The following WDR25 variants were observed in gnomAD, a reference collection of about 807,000 sequenced individuals.
WDR25 encodes WD repeat-containing protein 25.
A neutral mutation model predicts 47.7 loss-of-function variants in WDR25; 35 were observed. That is an observed-to-expected ratio of 0.73 (90% CI 0.56 to 0.97). The LOEUF (loss-of-function observed/expected upper bound fraction) is 0.97. Ranked by LOEUF, WDR25 falls within the 50% of genes least tolerant of loss-of-function variation. WDR25 has a pLI of 0.00. For synonymous variants in WDR25, 248 were observed against 278.9 expected, an observed-to-expected ratio of 0.89 and a Z score of 1.10; for missense variants, 634 against 704.7, an observed-to-expected ratio of 0.90 and a Z score of 1.14.
intron 2 of WDR25, among the ~76,000 whole-genome samples, chr14:100,459,311 A>G (rs1899300132): frequency 3.9e-5 from 6 of 152,206 alleles, no homozygotes; most frequent in Admixed American, 3.9e-4. Context: ...CGCAAACAAT[A>G]AAAGCTCATT....
intron 2 of WDR25, among the ~76,000 whole-genome samples, chr14:100,443,616 T>A (rs1370741180): frequency 6.6e-6 from 1 of 152,210 alleles, no homozygotes; most frequent in Non-Finnish European, 1.5e-5. Context: ...TCCCCAAAGC[T>A]TTTCCCCTTT....
intron 4 of WDR25, among the ~76,000 whole-genome samples, chr14:100,505,510 G>A (rs1901080653): frequency 6.6e-6 from 1 of 152,110 alleles, no homozygotes; most frequent in African/African-American, 2.4e-5. Flanking sequence ...TTTTGAGATT[G>A]AGAAGTTTAA....
chr14:100,381,057 C>T lies in WDR25; in HGVS notation c.133C>T (p.Pro45Ser). The T allele has an allele frequency of 6.2e-7, 1 of 1,614,226 alleles. No homozygotes were observed. Among genetic ancestry groups the T allele is most frequent in the Middle Eastern group, 1.6e-4 (1 of 6,062 alleles). Residue 45 changes from proline to serine, a missense_variant, in exon 2 of 7, where the codon CCA (proline) becomes TCA (serine). Transcript: ENST00000402312. ...QQKDTSGVAR[P>S]PGQDFASGTL... Reference sequence around the variant, plus strand: ...GAAAGACACTTCTGGTGTGGCCAGACCACCTGGGCAGGATTTTGCATCTGG... The same window carrying T: ...GAAAGACACTTCTGGTGTGGCCAGATCACCTGGGCAGGATTTTGCATCTGG...
rs13065 is a variant in WDR25, at chr14:100,529,975, T to C, written c.1569T>C (p.Tyr523=). 0.44 allele frequency: 702,323 copies of C among 1,613,156 alleles called. 166,592 individuals carry two copies. The highest frequency in any genetic ancestry group is 0.9 in the African/African-American group (67,300 of 75,024). The change falls in exon 7 of 7, where the codon TAT becomes TAC. Residue 523 remains tyrosine (Y), a synonymous_variant. Transcript: ENST00000402312. This position sits in a 1 kb window ranked among gnomAD's most constrained non-coding sequence, Gnocchi z 5.1. The part of the protein sequence containing the change: ...GHTQACVGTT[Y]HPVLPSVLAT... ...CACAGGCCTGTGTCGGCACCACCTA[T>C]CACCCCGTGCTGCCCTCCGTCCTCG... is the stretch of plus-strand genomic sequence containing the variant.
chr14:100,396,013 G>A (rs1897251411), intron 2 of WDR25, among the ~76,000 whole-genome samples: 1 of 126,642 alleles, frequency 7.9e-6, no homozygotes, highest in African/African-American at 3.1e-5. Flanking sequence ...GTCTCGCTCT[G>A]TCGCCCAGGT....
At chr14:100,471,391 T>C (rs1899827855) in intron 3 of WDR25, among the ~76,000 whole-genome samples, 1 of 152,184 alleles carries the variant, frequency 6.6e-6, no homozygotes, top group Non-Finnish European at 1.5e-5. Flanking sequence ...TCCCCCTATG[T>C]CTCCTACCTT....
intron 2 of WDR25, among the ~76,000 whole-genome samples, chr14:100,417,374 G>A (rs1897898454): frequency 6.6e-6 from 1 of 152,242 alleles, no homozygotes; most frequent in Admixed American, 6.5e-5. Context: ...TTGTGGGACT[G>A]AGTATCTCAG....
intron 2 of WDR25, among the ~76,000 whole-genome samples, chr14:100,406,053 G>A (rs1897528534): frequency 6.6e-6 from 1 of 152,190 alleles, no homozygotes; most frequent in African/African-American, 2.4e-5. Flanking sequence ...GCTGTGGGAA[G>A]GGATGTGTGG....
At chr14:100,443,343 C>T (rs1303030932) in intron 2 of WDR25, among the ~76,000 whole-genome samples, 10 of 151,700 alleles carry the variant, frequency 6.6e-5, no homozygotes, top group Admixed American at 6.6e-4. Flanking sequence ...AGGAGAGTCA[C>T]ACACAAGCAG....
chr14:100,388,869 G>T (rs76317857), intron 2 of WDR25, among the ~76,000 whole-genome samples: 5,977 of 152,272 alleles, frequency 0.039, 318 homozygotes, highest in African/African-American at 0.12. Flanking sequence ...GAAAACAGCC[G>T]TGTGAAGGTG....
intron 5 of WDR25, among the ~76,000 whole-genome samples, chr14:100,527,130 C>T (rs1052208525): frequency 1.4e-4 from 21 of 151,588 alleles, no homozygotes; most frequent in Non-Finnish European, 2.9e-4. Flanking sequence ...TCTCTGTCAC[C>T]ACTACCATCT....
chr14:100,519,266 G>GGA (rs139840480), intron 4 of WDR25, among the ~76,000 whole-genome samples: 9,350 of 147,626 alleles, frequency 0.063, 945 homozygotes, highest in African/African-American at 0.21. Flanking sequence ...TTTATAGGGG[G>GGA]GAGAGAGAGA....
At chr14:100,418,591 T>G (rs1296892841) in intron 2 of WDR25, among the ~76,000 whole-genome samples, 26 of 150,414 alleles carry the variant, frequency 1.7e-4, no homozygotes, top group Admixed American at 1.7e-3. Context: ...GAGCCAAGAT[T>G]GTGCCACTGC....
intron 2 of WDR25, among the ~76,000 whole-genome samples, chr14:100,458,754 C>T (rs1004804220): frequency 1.3e-5 from 2 of 152,060 alleles, no homozygotes; most frequent in African/African-American, 4.8e-5. Context: ...AGTATCTGGA[C>T]AATTTCTAAA....
Position 100,449,700 on chromosome 14 carries a change from G to T in WDR25, c.823-18321G>T, listed in dbSNP as rs952050033. 1.3e-5 allele frequency among the ~76,000 whole-genome samples: 2 copies of T among 152,230 alleles called. No homozygotes were observed. The highest frequency in any genetic ancestry group is 1.5e-5 in the Non-Finnish European group (1 of 68,028). On this transcript the variant is annotated intron_variant, in intron 2 of 6. Coordinates refer to ENST00000402312, the MANE Select transcript of WDR25 (RefSeq NM_001161476.3). This position sits in a 1 kb window ranked among gnomAD's most constrained non-coding sequence, Gnocchi z 4.2. The stretch of plus-strand genomic sequence containing the variant: ...TGAGAGCATCCCTGAGTCCCTGCAC[G>T]TGCATGAAGCAGACAGAGTGATTTT...
chr14:100,501,027 C>T (rs535024998), intron 4 of WDR25, among the ~76,000 whole-genome samples: 1 of 152,320 alleles, frequency 6.6e-6, no homozygotes, highest in South Asian at 2.1e-4. Context: ...ATTCAGCAAA[C>T]ACTAATTGAG....
intron 2 of WDR25, among the ~76,000 whole-genome samples, chr14:100,383,386 C>T (rs1358612366): frequency 6.6e-6 from 1 of 152,224 alleles, no homozygotes; most frequent in African/African-American, 2.4e-5. Flanking sequence ...CCCAAGTCTG[C>T]GCTGCAAGGG....
chr14:100,487,059 T>C (rs1900411289), intron 4 of WDR25, among the ~76,000 whole-genome samples: 3 of 152,178 alleles, frequency 2.0e-5, no homozygotes, highest in African/African-American at 7.2e-5. Flanking sequence ...CAATTTTGTG[T>C]TTTGCTTTTC....
rs143858584 is a variant in WDR25, at chr14:100,381,124, A to G, written c.200A>G (p.His67Arg). The G allele has an allele frequency of 3.7e-6, 6 of 1,614,074 alleles. No individual in the cohort carries two copies. The highest frequency in any genetic ancestry group is 5.1e-6 in the Non-Finnish European group (6 of 1,180,042). ...AAAGCAGGGGCACAGCCCACAAAGC[A>G]TGGCTCCTGTGAAGACCCAGGGGGC... ...VPKAGAQPTK[H>R]GSCEDPGGYR... Residue 67 changes from histidine (H) to arginine (R), a missense_variant, in exon 2 of 7, where the codon CAT (histidine) becomes CGT (arginine). By Grantham distance (29) the His-to-Arg change is conservative. Transcript: ENST00000402312.
Sources: gnomAD v4.1 joint callset for allele counts (sites outside exome capture counted in the v4.1 genomes callset) on GRCh38, gnomAD v4.1.1 for gene constraint, Gnocchi (gnomAD v3.1) non-coding constraint, MANE v1.5 for transcripts, NCBI Gene and HGNC (gene_info 2026-07-23, HGNC 2026-07-21) for gene names.